EPHA3: variants seen among roughly 807,000 people sequenced by gnomAD.
EPHA3 encodes ephrin type-A receptor 3.
EPHA3 carries 42 observed loss-of-function variants against 107.1 expected under a neutral mutation model. The observed-to-expected ratio is 0.39, with a 90% CI of 0.31 to 0.51. EPHA3 has a LOEUF of 0.51. EPHA3 is among the 20% of genes least tolerant of loss of function. The pLI, the probability that EPHA3 is intolerant of heterozygous loss-of-function variation, is 0.78. For missense variants in EPHA3, 1,183 were observed against 1,211.2 expected, an observed-to-expected ratio of 0.98 and a Z score of 0.35; for synonymous variants, 461 against 424.8, an observed-to-expected ratio of 1.09 and a Z score of -1.05.
At chr3:89,323,739 AG>A (rs1223000518) in intron 3 of EPHA3, among the ~76,000 whole-genome samples, 1 of 152,118 alleles carries the variant, frequency 6.6e-6, no homozygotes, top group Non-Finnish European at 1.5e-5. Context: ...CAGTAAAGAT[AG>A]TTTATTTTTC....
chr3:89,351,161 C>T (rs1440141113), intron 5 of EPHA3, among the ~76,000 whole-genome samples: 20 of 151,062 alleles, frequency 1.3e-4, no homozygotes, highest in Admixed American at 2.0e-4. Context: ...CGAGCTTCCC[C>T]GCTGCTTTGT....
At chr3:89,415,503 C>T (rs1338349930) in intron 10 of EPHA3, among the ~76,000 whole-genome samples, 3 of 108,500 alleles carry the variant, frequency 2.8e-5, no homozygotes, top group African/African-American at 7.1e-5. Flanking sequence ...AGCTAATTCT[C>T]TTAAATTTCT....
At chr3:89,228,788 A>G (rs1314736621) in intron 3 of EPHA3, among the ~76,000 whole-genome samples, 1 of 151,946 alleles carries the variant, frequency 6.6e-6, no homozygotes, top group African/African-American at 2.4e-5. Context: ...ATTGATAACC[A>G]GGAACGTAAA....
intron 5 of EPHA3, among the ~76,000 whole-genome samples, chr3:89,378,462 A>C (rs1708443219): frequency 6.6e-6 from 1 of 152,116 alleles, no homozygotes; most frequent in Non-Finnish European, 1.5e-5. Context: ...GTCAATTCTA[A>C]CTTAAGAATC....
chr3:89,275,832 G>A (rs559057323), intron 3 of EPHA3, among the ~76,000 whole-genome samples: 23 of 152,112 alleles, frequency 1.5e-4, no homozygotes, highest in South Asian at 1.2e-3. Flanking sequence ...TAAAAGCTAC[G>A]AACTTTGCTG....
intron 3 of EPHA3, among the ~76,000 whole-genome samples, chr3:89,265,063 G>C (rs188345923): frequency 2.0e-5 from 3 of 152,090 alleles, no homozygotes; most frequent in Admixed American, 2.0e-4. Context: ...ATATCCTTTG[G>C]AAATTGATTA....
chr3:89,324,287 C>G (rs1707114984), intron 3 of EPHA3, among the ~76,000 whole-genome samples: 1 of 151,520 alleles, frequency 6.6e-6, no homozygotes, highest in African/African-American at 2.4e-5. Flanking sequence ...CATGCTTCAG[C>G]CTCCCAAGTA....
intron 1 of EPHA3, among the ~76,000 whole-genome samples, chr3:89,108,600 A>G (rs1452530875): frequency 6.6e-6 from 1 of 152,232 alleles, no homozygotes; most frequent in African/African-American, 2.4e-5. Context: ...GTTCATATGC[A>G]GCAAATGGCA....
chr3:89,390,801 T>TTTTTTTTTA (rs1708713000), intron 5 of EPHA3, among the ~76,000 whole-genome samples: 25 of 150,606 alleles, frequency 1.7e-4, no homozygotes, highest in Admixed American at 3.3e-4. Context: ...TTTTTTTTTT[T>TTTTTTTTTA]GAGACAGAGT....
chr3:89,290,695 T>A (rs552547501), intron 3 of EPHA3, among the ~76,000 whole-genome samples: 2 of 152,254 alleles, frequency 1.3e-5, no homozygotes, highest in South Asian at 2.1e-4. Flanking sequence ...AGGCCCTGAT[T>A]TTCAAAGCTT....
intron 1 of EPHA3, among the ~76,000 whole-genome samples, chr3:89,123,769 T>TA (rs1322792570): frequency 6.6e-6 from 1 of 152,228 alleles, no homozygotes; most frequent in African/African-American, 2.4e-5. Context: ...TCATGACATT[T>TA]AAAAACATTT....
At chr3:89,138,667 G>C (rs912914715) in intron 2 of EPHA3, among the ~76,000 whole-genome samples, 1 of 151,672 alleles carries the variant, frequency 6.6e-6, no homozygotes, top group African/African-American at 2.4e-5. Context: ...AATCAGAAAG[G>C]GCACTGTAAA....
intron 11 of EPHA3, among the ~76,000 whole-genome samples, chr3:89,420,979 T>C (rs1709342604): frequency 6.6e-6 from 1 of 151,558 alleles, no homozygotes; most frequent in South Asian, 2.1e-4. Context: ...ACAATAACTG[T>C]AAAGGGTAAT....
At chr3:89,373,387 T>C (rs577270772) in intron 5 of EPHA3, among the ~76,000 whole-genome samples, 21 of 152,046 alleles carry the variant, frequency 1.4e-4, no homozygotes, top group African/African-American at 4.8e-4. Context: ...GTAGGCTTTA[T>C]ATAGATAACT....
chr3:89,360,495 T>A (rs1164868051), intron 5 of EPHA3, among the ~76,000 whole-genome samples: 2 of 151,020 alleles, frequency 1.3e-5, no homozygotes, highest in East Asian at 1.9e-4. Flanking sequence ...GTTATTTCAG[T>A]CAAAGCTGTT....
intron 3 of EPHA3, among the ~76,000 whole-genome samples, chr3:89,272,118 G>A (rs1475749963): frequency 4.0e-5 from 6 of 151,742 alleles, no homozygotes; most frequent in African/African-American, 9.7e-5. Context: ...TCTTTAAGTT[G>A]TCAGTAAGGC....
chr3:89,130,414 G>A (rs1185874429), intron 2 of EPHA3, among the ~76,000 whole-genome samples: 1 of 151,984 alleles, frequency 6.6e-6, no homozygotes, highest in Non-Finnish European at 1.5e-5. Flanking sequence ...AAATAAATAA[G>A]TGATTCATTT....
chr3:89,123,433 G>A (rs1707435128), intron 1 of EPHA3, among the ~76,000 whole-genome samples: 2 of 151,940 alleles, frequency 1.3e-5, no homozygotes, highest in South Asian at 4.1e-4. Flanking sequence ...ATGAGCCACC[G>A]CGCCCGCCAC....
chr3:89,418,150 G>GTA (rs1230254530), intron 10 of EPHA3, among the ~76,000 whole-genome samples: 2 of 151,396 alleles, frequency 1.3e-5, no homozygotes, highest in Admixed American at 6.6e-5. Flanking sequence ...CCAAGATTAT[G>GTA]ATTCCACTCC....
Sources: gnomAD v4.1 joint callset for allele counts (sites outside exome capture counted in the v4.1 genomes callset) on GRCh38, gnomAD v4.1.1 for gene constraint, MANE v1.5 for transcripts, NCBI Gene and HGNC (gene_info 2026-07-23, HGNC 2026-07-21) for gene names.